Variants in MYEF2 observed in about 807,000 individuals in gnomAD.
MYEF2 encodes myelin expression factor 2.
Under a neutral mutation model 75.2 loss-of-function variants are expected in MYEF2, and 37 were observed. The ratio of observed to expected loss-of-function variants is 0.49; its 90% confidence interval spans 0.38 to 0.65. The LOEUF (loss-of-function observed/expected upper bound fraction) is 0.65. Among genes scored for constraint, MYEF2 ranks in the 30% least tolerant of loss-of-function variants. The probability of loss-of-function intolerance (pLI) is 0.00; values close to 1 mark genes in which losing one functional copy is unlikely to be tolerated. For missense variants in MYEF2, 634 were observed against 771.4 expected (o/e 0.82, Z 2.11); for synonymous variants, 195 against 241.6 (o/e 0.81, Z 1.79).
At position 48,142,008 on chromosome 15, in the gene MYEF2, CA is replaced by C. The variant is rs754793667; in HGVS notation, c.*899del. On this transcript the variant is annotated 3_prime_UTR_variant, in exon 17 of 17. Coordinates refer to ENST00000324324, the MANE Select transcript of MYEF2 (RefSeq NM_016132.5). ...CACAGTATTGGTAAGCACATTTTAA[CA>C]GTATGCTTTTCTTTTGTAGGGAAAG... 1.3e-6 allele frequency: 2 copies of C among 1,545,784 alleles called. No homozygotes were observed. The highest frequency in any genetic ancestry group is 1.8e-6 in the Non-Finnish European group (2 of 1,129,844).
intron 16 of MYEF2, 62 bp from the exon 17 acceptor site, chr15:48,143,133 G>T: frequency 8.4e-7 from 1 of 1,193,376 alleles, no homozygotes. Flanking sequence ...CACTTTATAG[G>T]TTTGAAATTC....
intron 10 of MYEF2, 40 bp downstream of exon 10, chr15:48,153,752 T>C (rs1388310739): frequency 8.0e-6 from 12 of 1,498,946 alleles, no homozygotes; most frequent in African/African-American, 2.8e-5. Flanking sequence ...AGCTAGCATA[T>C]GTATCATTTA....
chr15:48,158,081 T>C (rs780332878), intron 8 of MYEF2, 25 bp from the exon 9 acceptor site: 2 of 1,612,284 alleles, frequency 1.2e-6, no homozygotes, highest in South Asian at 2.2e-5. Flanking sequence ...GTTTATAATA[T>C]GGTTAACATA....
At position 48,139,112 on chromosome 15, in the gene MYEF2, T is replaced by A; in HGVS notation, c.*3796A>T. On this transcript the variant is annotated 3_prime_UTR_variant, in exon 17 of 17. Transcript: ENST00000324324. The stretch of plus-strand genomic sequence containing the variant: ...GAAAAACTACTTTGTGATAACCTTT[T>A]TCATGTCTGCAATATGGATATCCGC... 1 of 1,613,200 alleles carries A rather than the reference T, an allele frequency of 6.2e-7. No homozygotes were observed. Among genetic ancestry groups the A allele is most frequent in the Non-Finnish European group, 8.5e-7 (1 of 1,179,390 alleles).
In MYEF2 at chr15:48,142,172, A is replaced by G. The variant is rs2039112976; in HGVS notation, c.*736T>C. The stretch of plus-strand genomic sequence containing the variant: ...AAACAGCAGAGGACTAACTTACATA[A>G]CCATCTCTCTCAACATTTCAATTAT... On this transcript the variant is annotated 3_prime_UTR_variant, in exon 17 of 17. Coordinates refer to ENST00000324324, the MANE Select transcript of MYEF2 (RefSeq NM_016132.5). 3.1e-6 allele frequency: 5 copies of G among 1,613,846 alleles called. No homozygotes were observed. The highest frequency in any genetic ancestry group is 4.2e-6 in the Non-Finnish European group (5 of 1,179,872).
chr15:48,174,095 C>T (rs999206494), intron 1 of MYEF2, among the ~76,000 whole-genome samples: 2 of 152,024 alleles, frequency 1.3e-5, no homozygotes, highest in Non-Finnish European at 2.9e-5. Context: ...AGTTATATTA[C>T]AAATCTATAG....
Position 48,137,059 on chromosome 15 carries a change from A to G in MYEF2, c.*5849T>C. On this transcript the variant is annotated 3_prime_UTR_variant, in exon 17 of 17. Coordinates refer to ENST00000324324, the MANE Select transcript of MYEF2 (RefSeq NM_016132.5). ...AGCAAGTATTGTGTGCTTTTTATGT[A>G]AAAAAGACTGTGAAGACTCAGAAAT... 7.6e-7 allele frequency: 1 copy of G among 1,319,286 alleles called. No individual in the cohort carries two copies. Among genetic ancestry groups the G allele is most frequent in the Non-Finnish European group, 1.0e-6 (1 of 973,304 alleles). The allele number at this position is 1,319,286 out of a possible 1,614,324, so 81.7% of individuals were successfully genotyped here.
chr15:48,170,695 A>G (rs576108674), intron 1 of MYEF2, among the ~76,000 whole-genome samples: 1 of 152,308 alleles, frequency 6.6e-6, no homozygotes, highest in South Asian at 2.1e-4. Flanking sequence ...GTCATTTGTT[A>G]CATAATATAT....
rs376063839 is a variant in MYEF2, at chr15:48,142,560, G to A, written c.*348C>T. ...ATATTATAAAACAGAAGTTTGGGGG[G>A]AAAAAATCTATGTTTTACCATACAA... is the stretch of plus-strand genomic sequence containing the variant. On this transcript the variant is annotated 3_prime_UTR_variant, in exon 17 of 17. Transcript: ENST00000324324. The A allele has an allele frequency of 1.0e-4, 47 of 471,970 alleles. No individual in the cohort carries two copies. The Middle Eastern group carries it at 2.3e-3, about 23-fold the overall frequency. 29.2% of individuals were successfully genotyped at this position (471,970 alleles called of 1,614,324 possible).
intron 13 of MYEF2, 69 bp from the exon 14 acceptor site, chr15:48,151,240 CT>C (rs1177917991): frequency 3.8e-6 from 5 of 1,304,304 alleles, no homozygotes; most frequent in Non-Finnish European, 4.3e-6. Context: ...TCCCAAGGTA[CT>C]ATGTGCTCTG....
In MYEF2 at chr15:48,149,789, G is replaced by A. The variant is rs1463122716; in HGVS notation, c.1379-418C>T. ...CAAGCATAATAATTGCTAAAATAAA[G>A]ATACACAGAGATAAATGCAAATTAT... On this transcript the variant is annotated intron_variant, in intron 14 of 16. Transcript: ENST00000324324. The surrounding 1 kb of genome is among the most constrained non-coding windows in gnomAD (Gnocchi z 4.0). 1 of 154,048 alleles carries A rather than the reference G, an allele frequency of 6.5e-6. No individual in the cohort carries two copies. The highest frequency in any genetic ancestry group is 1.4e-5 in the Non-Finnish European group (1 of 69,680). 9.5% of individuals were successfully genotyped at this position (154,048 alleles called of 1,614,324 possible). A position where few individuals can be genotyped will look rare whatever the true frequency, so the allele number is the denominator to read the frequency against.
At chr15:48,170,768 C>T (rs1426660111) in intron 1 of MYEF2, among the ~76,000 whole-genome samples, 1 of 152,196 alleles carries the variant, frequency 6.6e-6, no homozygotes, top group African/African-American at 2.4e-5. Context: ...AGTATGTAAA[C>T]TCTATGAGAA....
At chr15:48,166,273 A>G (rs1354015025) in intron 3 of MYEF2, 145 bp from the exon 4 acceptor site, 1 of 597,636 alleles carries the variant, frequency 1.7e-6, no homozygotes, top group East Asian at 3.0e-5. Context: ...CCTCCAGAAC[A>G]TAACAGGCAA....
rs527596518 is a variant in MYEF2, at chr15:48,151,254, T to G, written c.1307-83A>C. 22 of 1,232,876 alleles carry G rather than the reference T, an allele frequency of 1.8e-5. No individual in the cohort carries two copies. The South Asian group carries it at 2.9e-4, about 16-fold the overall frequency. 76.4% of individuals were successfully genotyped at this position (1,232,876 alleles called of 1,614,324 possible). A position where few individuals can be genotyped will look rare whatever the true frequency, so the allele number is the denominator to read the frequency against. ...TTCCCAAGGTACTATGTGCTCTGATTTACAATAAATGAAAAGCATAAAGTC... is the reference window on the plus strand; with the variant it reads ...TTCCCAAGGTACTATGTGCTCTGATGTACAATAAATGAAAAGCATAAAGTC... On this transcript the variant is annotated intron_variant, in intron 13 of 16. Transcript: ENST00000324324.
At chr15:48,176,253 G>A (rs1011509955) in intron 1 of MYEF2, among the ~76,000 whole-genome samples, 6 of 148,274 alleles carry the variant, frequency 4.0e-5, no homozygotes, top group African/African-American at 1.5e-4. Context: ...GGACTAGGTC[G>A]CTAGTTATTC....
rs900291327 is a variant in MYEF2 at position 48,135,551 on chromosome 15, G to C, written c.*7357C>G. On this transcript the variant is annotated 3_prime_UTR_variant, in exon 17 of 17. Transcript: ENST00000324324. ...CTGGTCCAAGAAAATGAAAAAGGTG[G>C]TGACTGAGTGGACAGATACTAACTT... is the stretch of plus-strand genomic sequence containing the variant. 1 of 152,448 alleles carries C rather than the reference G, an allele frequency of 6.6e-6. No homozygotes were observed. Among genetic ancestry groups the C allele is most frequent in the South Asian group, 2.1e-4 (1 of 4,858 alleles). The allele number at this position is 152,448 out of a possible 1,614,324, so 9.4% of individuals were successfully genotyped here.
rs546706720 is a variant in MYEF2 at position 48,138,898 on chromosome 15, T to C, written c.*4010A>G. On this transcript the variant is annotated 3_prime_UTR_variant, in exon 17 of 17. Coordinates refer to ENST00000324324, the MANE Select transcript of MYEF2 (RefSeq NM_016132.5). ...ACAGCTAATTTATTTCAATATAACTTTCTAAATAGGCATTTCTAACTTAAT... is the reference window on the plus strand; with the variant it reads ...ACAGCTAATTTATTTCAATATAACTCTCTAAATAGGCATTTCTAACTTAAT... 2 of 1,152,822 alleles carry C rather than the reference T, an allele frequency of 1.7e-6. No individual in the cohort carries two copies. Among genetic ancestry groups the C allele is most frequent in the East Asian group, 2.4e-5 (1 of 42,194 alleles). The allele number at this position is 1,152,822 out of a possible 1,614,324, so 71.4% of individuals were successfully genotyped here.
chr15:48,161,517 A>G (rs753284021), intron 5 of MYEF2, among the ~76,000 whole-genome samples: 9 of 151,842 alleles, frequency 5.9e-5, no homozygotes, highest in Non-Finnish European at 8.8e-5. Context: ...TCATTTAGCT[A>G]GGCCAAATTT....
At chr15:48,156,497 C>G (rs2039702290) in intron 9 of MYEF2, among the ~76,000 whole-genome samples, 1 of 149,756 alleles carries the variant, frequency 6.7e-6, no homozygotes, top group Non-Finnish European at 1.5e-5. Flanking sequence ...ATAGAAATTA[C>G]AAAAATTGAC....
Sources: gnomAD v4.1 joint callset for allele counts (sites outside exome capture counted in the v4.1 genomes callset) on GRCh38, gnomAD v4.1.1 for gene constraint, Gnocchi (gnomAD v3.1) non-coding constraint, MANE v1.5 for transcripts, NCBI Gene and HGNC (gene_info 2026-07-23, HGNC 2026-07-21) for gene names.